RPS6KA6: variants seen among roughly 807,000 people sequenced by gnomAD.
RPS6KA6 encodes ribosomal protein S6 kinase A6.
A neutral mutation model predicts 65.4 loss-of-function variants in RPS6KA6; 27 were observed. The observed-to-expected ratio is 0.41, with a 90% CI of 0.30 to 0.57. RPS6KA6 has a LOEUF of 0.57. Ranked by LOEUF, RPS6KA6 falls within the 20% of genes least tolerant of loss-of-function variation. RPS6KA6 has a pLI of 0.24. For synonymous variants in RPS6KA6, 190 were observed against 184.2 expected (o/e 1.03, Z -0.26); for missense variants, 486 against 555.6 (o/e 0.87, Z 1.26).
At chrX:84,079,122 T>C (rs747060788) in intron 20 of RPS6KA6, among the ~76,000 whole-genome samples, 41 of 111,038 alleles carry the variant, frequency 3.7e-4, no homozygotes, top group Non-Finnish European at 7.0e-4. Flanking sequence ...CCGTAGTTGA[T>C]CTCATTGGGA....
At chrX:84,159,385 C>T (rs781075454) in intron 2 of RPS6KA6, among the ~76,000 whole-genome samples, 9 of 110,909 alleles carry the variant, frequency 8.1e-5, no homozygotes, top group Non-Finnish European at 1.5e-4. Flanking sequence ...GCAATCTAGC[C>T]TGAAATAGGT....
At chrX:84,118,361 G>T (rs1357177277) in intron 9 of RPS6KA6, among the ~76,000 whole-genome samples, 1 of 111,260 alleles carries the variant, frequency 9.0e-6, no homozygotes, top group Non-Finnish European at 1.9e-5. Flanking sequence ...GAGTAGAGGT[G>T]AGAACTTCAG....
At chrX:84,093,760 A>G (rs2034095516) in intron 20 of RPS6KA6, among the ~76,000 whole-genome samples, 1 of 112,002 alleles carries the variant, frequency 8.9e-6, no homozygotes, top group Admixed American at 9.5e-5. Context: ...CTAATTCCAT[A>G]AAAAACAATG....
At chrX:84,134,427 T>C (rs941041139) in intron 8 of RPS6KA6, among the ~76,000 whole-genome samples, 7 of 111,285 alleles carry the variant, frequency 6.3e-5, no homozygotes, top group African/African-American at 2.3e-4. Context: ...GTAGGACATA[T>C]AAGTGGTTGC....
chrX:84,104,807 A>G, intron 16 of RPS6KA6, 150 bp from the exon 17 acceptor site: 1 of 327,179 alleles, frequency 3.1e-6, no homozygotes, highest in Non-Finnish European at 5.1e-6. Context: ...TTAATGCAGT[A>G]CAGGCTGTAC....
chrX:84,154,924 G>C (rs2035389908), intron 3 of RPS6KA6, among the ~76,000 whole-genome samples: 1 of 111,873 alleles, frequency 8.9e-6, no homozygotes, highest in Non-Finnish European at 1.9e-5. Context: ...ACATTGTTGT[G>C]AACACACTGA....
Position 84,062,765 on chromosome X carries a change from A to G in RPS6KA6, c.*1512T>C, listed in dbSNP as rs1410088224. The G allele has an allele frequency of 9.0e-6, 1 of 111,667 alleles. No homozygotes were observed. Among genetic ancestry groups the G allele is most frequent in the Non-Finnish European group, 1.9e-5 (1 of 53,018 alleles). The allele number at this position is 111,667 out of a possible 1,213,427, so 9.2% of individuals were successfully genotyped here. ...TTACGAGTTTCCTAGCCTAAATTGT[A>G]TAATTCAGCACTCAGTAATCAACTT... On this transcript the variant is annotated 3_prime_UTR_variant, in exon 22 of 22. Transcript: ENST00000262752.
At chrX:84,079,517 A>G (rs2033741026) in intron 20 of RPS6KA6, among the ~76,000 whole-genome samples, 1 of 110,339 alleles carries the variant, frequency 9.1e-6, no homozygotes, top group African/African-American at 3.3e-5. Context: ...CCAGGAAGCC[A>G]AGAGGTCTAG....
At chrX:84,140,153 G>A (rs934212215) in intron 6 of RPS6KA6, among the ~76,000 whole-genome samples, 8 of 111,324 alleles carry the variant, frequency 7.2e-5, no homozygotes, top group African/African-American at 2.0e-4. Flanking sequence ...GGAACCAGTC[G>A]ATGAACTCAC....
Position 84,063,187 on chromosome X carries a change from A to T in RPS6KA6, c.*1090T>A, listed in dbSNP as rs1342246341. ...TTTAAAATGTTAGTTTATCTTCATGAAGTAAAATGATTAAGTAGCATTGTC... is the reference window on the plus strand; with the variant it reads ...TTTAAAATGTTAGTTTATCTTCATGTAGTAAAATGATTAAGTAGCATTGTC... On this transcript the variant is annotated 3_prime_UTR_variant, in exon 22 of 22. Coordinates refer to ENST00000262752, the MANE Select transcript of RPS6KA6 (RefSeq NM_014496.5). 1.8e-5 allele frequency: 2 copies of T among 111,474 alleles called. No individual in the cohort carries two copies. The highest frequency in any genetic ancestry group is 3.8e-5 in the Non-Finnish European group (2 of 52,991). The allele number at this position is 111,474 out of a possible 1,213,427, so 9.2% of individuals were successfully genotyped here. A position where few individuals can be genotyped will look rare whatever the true frequency, so the allele number is the denominator to read the frequency against.
At chrX:84,110,938 TACAA>T (rs916875338) in intron 12 of RPS6KA6, among the ~76,000 whole-genome samples, 4 of 104,941 alleles carry the variant, frequency 3.8e-5, no homozygotes, top group African/African-American at 1.0e-4. Flanking sequence ...GTCAAACACA[TACAA>T]ACAAACACAA....
At chrX:84,123,957 T>A (rs745857090) in intron 8 of RPS6KA6, among the ~76,000 whole-genome samples, 5 of 111,352 alleles carry the variant, frequency 4.5e-5, no homozygotes, top group Non-Finnish European at 9.4e-5. Flanking sequence ...GGTGATTGCA[T>A]AACCACATCC....
chrX:84,174,970 T>C (rs897305773), intron 1 of RPS6KA6, among the ~76,000 whole-genome samples: 2 of 112,117 alleles, frequency 1.8e-5, no homozygotes, highest in African/African-American at 6.5e-5. Context: ...TTTCCTTCGA[T>C]TTTTATTAGT....
At position 84,104,661 on chromosome X, in the gene RPS6KA6, C is replaced by A. The variant is rs2034322047; in HGVS notation, c.1456-4G>T. ...CATATCTACCATCATCAAAGACCTA[C>A]AAAAGAACGCAGTTTTAAAATGTTA... On this transcript the variant is annotated splice_region_variant and splice_polypyrimidine_tract_variant and intron_variant, in intron 16 of 21. Transcript: ENST00000262752. The A allele has an allele frequency of 9.4e-7, 1 of 1,061,304 alleles. No homozygotes were observed. The highest frequency in any genetic ancestry group is 1.3e-6 in the Non-Finnish European group (1 of 798,758). 87.5% of individuals were successfully genotyped at this position (1,061,304 alleles called of 1,213,427 possible). A position where few individuals can be genotyped will look rare whatever the true frequency, so the allele number is the denominator to read the frequency against.
chrX:84,100,628 T>C (rs1240152808), intron 18 of RPS6KA6, among the ~76,000 whole-genome samples: 2 of 110,814 alleles, frequency 1.8e-5, no homozygotes, highest in East Asian at 5.6e-4. Context: ...ATATATGCTA[T>C]ACATAACAGA....
At chrX:84,151,200 TATAG>T (rs1313099633) in intron 3 of RPS6KA6, among the ~76,000 whole-genome samples, 1 of 90,740 alleles carries the variant, frequency 1.1e-5, no homozygotes, top group Non-Finnish European at 2.2e-5. Flanking sequence ...TATATAGAGA[TATAG>T]ATATATAGGA....
At chrX:84,124,148 C>G (rs903013174) in intron 8 of RPS6KA6, among the ~76,000 whole-genome samples, 2 of 111,341 alleles carry the variant, frequency 1.8e-5, no homozygotes, top group East Asian at 5.7e-4. Flanking sequence ...GTTCAACTCC[C>G]AGCGAATACC....
chrX:84,159,246 A>G (rs2035471568), intron 2 of RPS6KA6, among the ~76,000 whole-genome samples: 1 of 110,192 alleles, frequency 9.1e-6, no homozygotes, highest in Non-Finnish European at 1.9e-5. Context: ...AAAATTTCTC[A>G]GCCATCCCAA....
At chrX:84,095,591 A>G (rs1208448059) in intron 20 of RPS6KA6, among the ~76,000 whole-genome samples, 1 of 107,342 alleles carries the variant, frequency 9.3e-6, no homozygotes, top group Non-Finnish European at 1.9e-5. Context: ...AAAAGTAAAG[A>G]ATATCTAAAT....
Sources: allele counts gnomAD v4.1 joint callset (sites outside exome capture counted in the v4.1 genomes callset), GRCh38; gene constraint gnomAD v4.1.1; transcripts MANE v1.5; gene names NCBI Gene and HGNC (gene_info 2026-07-23, HGNC 2026-07-21).